RNF180: variants seen among roughly 807,000 people sequenced by gnomAD.
RNF180 encodes ring finger protein 180.
A neutral mutation model predicts 59.2 loss-of-function variants in RNF180; 38 were observed. That is an observed-to-expected ratio of 0.64 (90% confidence interval 0.50 to 0.84). The LOEUF is 0.84. Ranked by LOEUF, RNF180 falls within the 40% of genes least tolerant of loss-of-function variation. The pLI is 0.00. For missense variants in RNF180, 705 were observed against 700.9 expected, an observed-to-expected ratio of 1.01 and a Z score of -0.07; for synonymous variants, 262 against 240.3, an observed-to-expected ratio of 1.09 and a Z score of -0.84.
chr5:64,279,304 C>T (rs1344298567), intron 5 of RNF180, among the ~76,000 whole-genome samples: 3 of 152,046 alleles, frequency 2.0e-5, no homozygotes, highest in Non-Finnish European at 4.4e-5. Flanking sequence ...AGATTTTTGG[C>T]TATAGCAATT....
chr5:64,206,823 T>G (rs1167450243), intron 2 of RNF180, among the ~76,000 whole-genome samples: 1 of 152,192 alleles, frequency 6.6e-6, no homozygotes, highest in African/African-American at 2.4e-5. Context: ...AGCAGCCACC[T>G]GCAGGCTAGA....
At chr5:64,280,469 C>CT (rs1349685076) in intron 5 of RNF180, among the ~76,000 whole-genome samples, 1 of 152,058 alleles carries the variant, frequency 6.6e-6, no homozygotes, top group Non-Finnish European at 1.5e-5. Flanking sequence ...TTGAATCCAT[C>CT]TTGAGTTGAT....
chr5:64,317,607 C>T (rs1744116876), intron 5 of RNF180, among the ~76,000 whole-genome samples: 3 of 120,696 alleles, frequency 2.5e-5, no homozygotes, highest in African/African-American at 7.9e-5. Context: ...TACACACACA[C>T]ACACACACAC....
At chr5:64,242,982 A>G (rs1277921179) in intron 5 of RNF180, among the ~76,000 whole-genome samples, 1 of 152,172 alleles carries the variant, frequency 6.6e-6, no homozygotes, top group East Asian at 1.9e-4. Context: ...GAGAAGCACA[A>G]AGGGTCAGGG....
intron 5 of RNF180, among the ~76,000 whole-genome samples, chr5:64,263,923 T>C (rs1744507068): frequency 6.6e-6 from 1 of 152,218 alleles, no homozygotes; most frequent in South Asian, 2.1e-4. Flanking sequence ...TGATTTAACC[T>C]TGTGTTACTA....
At chr5:64,256,120 A>G (rs1475480946) in intron 5 of RNF180, among the ~76,000 whole-genome samples, 18 of 152,016 alleles carry the variant, frequency 1.2e-4, no homozygotes, top group Admixed American at 6.6e-4. Flanking sequence ...AGATGAGTAG[A>G]TTGCAAAAAT....
chr5:64,174,938 A>ATTTAAGTC (rs1455160252), intron 1 of RNF180, among the ~76,000 whole-genome samples: 2 of 126,146 alleles, frequency 1.6e-5, no homozygotes, highest in Admixed American at 1.5e-4. Flanking sequence ...CCGGTTTTAC[A>ATTTAAGTC]TTTAAGTCTT....
intron 5 of RNF180, among the ~76,000 whole-genome samples, chr5:64,248,194 G>A (rs964983294): frequency 5.3e-5 from 8 of 152,028 alleles, no homozygotes; most frequent in South Asian, 2.1e-4. Context: ...GGACATAGGC[G>A]TGGGCAAAGA....
chr5:64,362,285 G>A (rs973167420), intron 7 of RNF180, among the ~76,000 whole-genome samples: 3 of 151,518 alleles, frequency 2.0e-5, no homozygotes, highest in Admixed American at 6.6e-5. Flanking sequence ...TCCCCTCTTT[G>A]TGTCCATGTG....
At chr5:64,182,182 G>A (rs886576728) in intron 1 of RNF180, among the ~76,000 whole-genome samples, 2 of 151,778 alleles carry the variant, frequency 1.3e-5, no homozygotes, top group Non-Finnish European at 2.9e-5. Context: ...TAATAGAGAC[G>A]GAGTTTCACT....
At chr5:64,319,652 T>A (rs1248844514) in intron 5 of RNF180, among the ~76,000 whole-genome samples, 3 of 152,210 alleles carry the variant, frequency 2.0e-5, no homozygotes, top group Non-Finnish European at 4.4e-5. Context: ...GCTGAGGTCA[T>A]AAGTACATCA....
rs543376505 is a variant in RNF180, at chr5:64,353,422, AATTG to A, written c.1580-16188_1580-16185del. 3.8e-3 allele frequency among the ~76,000 whole-genome samples: 578 copies of A among 151,832 alleles called. 2 individuals are homozygous for A. Among genetic ancestry groups the A allele is most frequent in the Non-Finnish European group, 6.1e-3 (411 of 67,776 alleles). On this transcript the variant is annotated intron_variant, in intron 7 of 7. Transcript: ENST00000389100. Reference sequence around the variant, plus strand: ...CCGTTCAATCAAAACTAATATCACTAATTGATTGCATAAGTGCTGTTTGCTTATC... The same window carrying A: ...CCGTTCAATCAAAACTAATATCACTAATTGCATAAGTGCTGTTTGCTTATC...
intron 7 of RNF180, among the ~76,000 whole-genome samples, chr5:64,366,901 T>G (rs1746474628): frequency 6.6e-6 from 1 of 151,536 alleles, no homozygotes; most frequent in Admixed American, 6.6e-5. Context: ...CAAATAGACA[T>G]ACTGCAAAAA....
chr5:64,181,986 C>CTTTTTTTTT (rs1190089130), intron 1 of RNF180, among the ~76,000 whole-genome samples: 1 of 94,620 alleles, frequency 1.1e-5, no homozygotes, highest in Non-Finnish European at 2.0e-5. Context: ...CTGCTACTGT[C>CTTTTTTTTT]TTTTTTTTTT....
intron 1 of RNF180, among the ~76,000 whole-genome samples, chr5:64,166,513 A>G (rs188627957): frequency 3.3e-5 from 5 of 152,318 alleles, no homozygotes; most frequent in East Asian, 1.9e-4. Context: ...GGCAGAGGTC[A>G]TAAGCTCTGA....
intron 5 of RNF180, among the ~76,000 whole-genome samples, chr5:64,238,468 G>T (rs1474287457): frequency 6.6e-6 from 1 of 152,108 alleles, no homozygotes; most frequent in Non-Finnish European, 1.5e-5. Flanking sequence ...GTATGCAGGG[G>T]TTCCCTTTTC....
chr5:64,352,613 A>G (rs899130996), intron 7 of RNF180, among the ~76,000 whole-genome samples: 1 of 151,942 alleles, frequency 6.6e-6, no homozygotes, highest in African/African-American at 2.4e-5. Context: ...CTTTGTTCTT[A>G]TTGGTTTCAA....
At chr5:64,366,517 TGGA>T (rs1746453669) in intron 7 of RNF180, among the ~76,000 whole-genome samples, 1 of 151,574 alleles carries the variant, frequency 6.6e-6, no homozygotes, top group African/African-American at 2.4e-5. Context: ...GGAGTTCTCG[TGGA>T]TGATCTCCTG....
intron 5 of RNF180, among the ~76,000 whole-genome samples, chr5:64,254,805 T>C (rs1431971479): frequency 2.0e-5 from 3 of 152,178 alleles, no homozygotes; most frequent in Admixed American, 6.6e-5. Flanking sequence ...TTCCTGTTTT[T>C]CTCCAGCCAT....
Sources: gnomAD v4.1 joint callset for allele counts (sites outside exome capture counted in the v4.1 genomes callset) on GRCh38, gnomAD v4.1.1 for gene constraint, MANE v1.5 for transcripts, NCBI Gene and HGNC (gene_info 2026-07-23, HGNC 2026-07-21) for gene names.